LEO1: variants seen among roughly 807,000 people sequenced by gnomAD.
LEO1 encodes LEO1 component of Paf1/RNA polymerase II complex.
A neutral mutation model predicts 80.4 loss-of-function variants in LEO1; 34 were observed. The observed-to-expected ratio is 0.42, with a 90% CI of 0.32 to 0.56. LEO1 has a LOEUF of 0.56. Ranked by LOEUF, LEO1 falls within the 20% of genes least tolerant of loss-of-function variation. LEO1 has a pLI of 0.10. For missense variants in LEO1, 631 were observed against 814.2 expected (o/e 0.77, Z 2.74); for synonymous variants, 262 against 274.9 (o/e 0.95, Z 0.46).
chr15:51,950,192 C>T (rs936019845), intron 9 of LEO1, among the ~76,000 whole-genome samples, 198 bp from the exon 10 acceptor site: 14 of 152,294 alleles, frequency 9.2e-5, no homozygotes, highest in African/African-American at 2.9e-4. Flanking sequence ...AAGGGTAAAG[C>T]GGCAGAAGGG....
chr15:51,971,341 C>T (rs1566890326), intron 1 of LEO1, among the ~76,000 whole-genome samples: 1 of 152,196 alleles, frequency 6.6e-6, no homozygotes, highest in Non-Finnish European at 1.5e-5. Context: ...AAAAACAGCC[C>T]TTACTCTACG....
intron 2 of LEO1, among the ~76,000 whole-genome samples, chr15:51,963,381 G>T (rs760615273): frequency 3.0e-4 from 46 of 152,068 alleles, no homozygotes; most frequent in Non-Finnish European, 5.6e-4. Context: ...GGAAAAAAAG[G>T]TAAAAAGATT....
intron 6 of LEO1, among the ~76,000 whole-genome samples, chr15:51,955,440 G>C (rs2056981669): frequency 6.6e-6 from 1 of 152,188 alleles, no homozygotes; most frequent in South Asian, 2.1e-4. Context: ...TTACCTGCAT[G>C]GTGGGGAAAC....
chr15:51,962,777 G>C (rs1170509946), intron 2 of LEO1, among the ~76,000 whole-genome samples: 1 of 152,176 alleles, frequency 6.6e-6, no homozygotes, highest in African/African-American at 2.4e-5. Flanking sequence ...GTAGGTGCCA[G>C]GGTTTAGGGG....
intron 4 of LEO1, 133 bp from the exon 5 acceptor site, chr15:51,960,177 C>T (rs2057019250): frequency 1.5e-6 from 1 of 654,374 alleles, no homozygotes; most frequent in African/African-American, 1.9e-5. Context: ...AGTCCCCAGT[C>T]CCCATCCCAA....
Position 51,950,530 on chromosome 15 carries a change from C to T in LEO1, c.1612-536G>A, listed in dbSNP as rs532180227. On this transcript the variant is annotated intron_variant, in intron 9 of 11. Coordinates refer to ENST00000299601, the MANE Select transcript of LEO1 (RefSeq NM_138792.4). ...AGCGTCCTAGAGCCACAAGGTAGAC[C>T]TTTCATTTCCTTTGCACTGCCTGGC... Among the ~76,000 whole-genome samples, 11 of 152,302 alleles carry T rather than the reference C, an allele frequency of 7.2e-5. No homozygotes were observed. In the South Asian group the frequency reaches 2.3e-3, roughly 32 times the overall value.
Position 51,954,737 on chromosome 15 carries a change from A to C in LEO1, c.1246-162T>G, listed in dbSNP as rs575364260. ...ACTGAAACCCTCTTTAATCACCTAG[A>C]GAGGTTGGATAAATTAAAAGCAGGG... On this transcript the variant is annotated intron_variant, in intron 6 of 11. Coordinates refer to ENST00000299601, the MANE Select transcript of LEO1 (RefSeq NM_138792.4). The C allele has an allele frequency of 2.0e-5, 12 of 587,930 alleles. No individual in the cohort carries two copies. In the East Asian group the frequency reaches 3.1e-4, roughly 15 times the overall value. The allele number at this position is 587,930 out of a possible 1,614,324, so 36.4% of individuals were successfully genotyped here.
At chr15:51,967,466 C>T (rs1214252717) in intron 1 of LEO1, among the ~76,000 whole-genome samples, 1 of 152,106 alleles carries the variant, frequency 6.6e-6, no homozygotes, top group Non-Finnish European at 1.5e-5. Flanking sequence ...AAGCGAGACT[C>T]TGTCTCAAAA....
At chr15:51,944,604 C>G (rs1395947376) in intron 11 of LEO1, among the ~76,000 whole-genome samples, 1 of 152,152 alleles carries the variant, frequency 6.6e-6, no homozygotes, top group Admixed American at 6.5e-5. Flanking sequence ...CTGAATGAAA[C>G]TTAAGGGAAG....
In LEO1 at chr15:51,962,375, A is replaced by C. The variant is rs1179796909; in HGVS notation, c.919+14T>G. 1 of 1,505,772 alleles carries C rather than the reference A, an allele frequency of 6.6e-7. No homozygotes were observed. Among genetic ancestry groups the C allele is most frequent in the South Asian group, 1.1e-5 (1 of 87,756 alleles). The allele number at this position is 1,505,772 out of a possible 1,614,324, so 93.3% of individuals were successfully genotyped here. A position where few individuals can be genotyped will look rare whatever the true frequency, so the allele number is the denominator to read the frequency against. On this transcript the variant is annotated intron_variant, in intron 3 of 11. Transcript: ENST00000299601. ...GGTATGGAAATATACATATATATAT[A>C]ATAATAGGGATACCTTTTGGCACCT...
chr15:51,949,351 C>T (rs956548222), intron 10 of LEO1, among the ~76,000 whole-genome samples: 14 of 152,184 alleles, frequency 9.2e-5, no homozygotes, highest in African/African-American at 3.4e-4. Context: ...GCAGTTCCTA[C>T]CTTTCAAGCT....
intron 2 of LEO1, 35 bp downstream of exon 2, chr15:51,965,714 T>C (rs368641630): frequency 1.9e-5 from 30 of 1,561,770 alleles, no homozygotes; most frequent in East Asian, 1.1e-4. Flanking sequence ...TGAATGCTTC[T>C]TTCTGAGCCA....
intron 11 of LEO1, among the ~76,000 whole-genome samples, chr15:51,943,883 G>T (rs2056878059): frequency 6.6e-6 from 1 of 151,546 alleles, no homozygotes; most frequent in Non-Finnish European, 1.5e-5. Context: ...ACTAGGATCA[G>T]CAGACTTGAT....
chr15:51,942,928 A>C (rs2056866587), intron 11 of LEO1, among the ~76,000 whole-genome samples: 1 of 150,392 alleles, frequency 6.6e-6, no homozygotes. Flanking sequence ...TCTCAAAAAA[A>C]AAAAAAAAAC....
intron 9 of LEO1, among the ~76,000 whole-genome samples, chr15:51,950,389 A>G (rs150710614): frequency 2.0e-5 from 3 of 152,338 alleles, no homozygotes; most frequent in Non-Finnish European, 2.9e-5. Context: ...CCTGAACCAC[A>G]GACAACTGAT....
chr15:51,960,235 C>CAA (rs2057019656), intron 4 of LEO1, among the ~76,000 whole-genome samples, 191 bp from the exon 5 acceptor site: 1 of 152,110 alleles, frequency 6.6e-6, no homozygotes, highest in Non-Finnish European at 1.5e-5. Flanking sequence ...TACCTCAGTA[C>CAA]AAAAAACTAT....
At position 51,960,623 on chromosome 15, in the gene LEO1, T is replaced by TACA; in HGVS notation, c.1014+15_1014+16insTGT. On this transcript the variant is annotated intron_variant, in intron 4 of 11. Transcript: ENST00000299601. ...ATGCCTGGCCTTGAATAAGTTCATG[T>TACA]TACTAACTGACTTACAACAGGCTGT... The TACA allele has an allele frequency of 6.9e-7, 1 of 1,439,034 alleles. No individual in the cohort carries two copies. The highest frequency in any genetic ancestry group is 9.8e-7 in the Non-Finnish European group (1 of 1,020,454). The allele number at this position is 1,439,034 out of a possible 1,614,324, so 89.1% of individuals were successfully genotyped here.
At chr15:51,960,921 G>T (rs1392430311) in intron 3 of LEO1, among the ~76,000 whole-genome samples, 188 bp from the exon 4 acceptor site, 2 of 152,172 alleles carry the variant, frequency 1.3e-5, no homozygotes, top group Non-Finnish European at 2.9e-5. Context: ...CAAATCTAGT[G>T]AAAGGCAAGC....
At chr15:51,963,979 G>A (rs1395974353) in intron 2 of LEO1, among the ~76,000 whole-genome samples, 1 of 151,858 alleles carries the variant, frequency 6.6e-6, no homozygotes, top group Non-Finnish European at 1.5e-5. Context: ...GGCCGAAGCA[G>A]GCGGATCACG....
Sources: allele counts gnomAD v4.1 joint callset (sites outside exome capture counted in the v4.1 genomes callset), GRCh38; gene constraint gnomAD v4.1.1; transcripts MANE v1.5; gene names NCBI Gene and HGNC (gene_info 2026-07-23, HGNC 2026-07-21).